The following MGAT5 variants were observed in gnomAD, a reference collection of about 807,000 sequenced individuals.
MGAT5 encodes the protein alpha-1,6-mannosylglycoprotein 6-beta-N-acetylglucosaminyltransferase, also known as alpha-1,6-mannosylglycoprotein 6-beta-N-acetylglucosaminyltransferase A.
A neutral mutation model predicts 94.3 loss-of-function variants in MGAT5; 30 were observed. That is an observed-to-expected ratio of 0.32 (90% CI 0.24 to 0.43). MGAT5 has a LOEUF of 0.43. MGAT5 is among the 20% of genes least tolerant of loss of function. The pLI is 1.00. For missense variants in MGAT5, 691 were observed against 905.5 expected, an observed-to-expected ratio of 0.76 and a Z score of 3.04; for synonymous variants, 310 against 322.9, an observed-to-expected ratio of 0.96 and a Z score of 0.43.
intron 2 of MGAT5, among the ~76,000 whole-genome samples, chr2:134,279,273 G>A (rs1379460205): frequency 6.6e-6 from 1 of 152,032 alleles, no homozygotes; most frequent in African/African-American, 2.4e-5. Context: ...AGAAGCACCT[G>A]GAAAGTTTAC....
At chr2:134,366,831 G>A (rs1202253421) in intron 10 of MGAT5, among the ~76,000 whole-genome samples, 3 of 152,168 alleles carry the variant, frequency 2.0e-5, no homozygotes, top group Non-Finnish European at 4.4e-5. Context: ...TGACCAATTC[G>A]CAAATAAATA....
At chr2:134,419,387 C>T (rs1468236819) in intron 12 of MGAT5, among the ~76,000 whole-genome samples, 1 of 149,818 alleles carries the variant, frequency 6.7e-6, no homozygotes, top group Non-Finnish European at 1.5e-5. Context: ...TGAGTAGGTT[C>T]TCGATCATTT....
At chr2:134,312,580 C>T (rs1376724329) in intron 2 of MGAT5, among the ~76,000 whole-genome samples, 1 of 152,178 alleles carries the variant, frequency 6.6e-6, no homozygotes, top group African/African-American at 2.4e-5. Flanking sequence ...AAGATGGGGT[C>T]TCCAGTGTGC....
rs187561883 is a variant in MGAT5, at chr2:134,172,597, A to G, written c.-143+52306A>G. On this transcript the variant is annotated intron_variant, in intron 1 of 16. Transcript: ENST00000409645. ...GAGACGGGTTTTCACCGTGTTAGCC[A>G]GGATGGTCTCGATCTCCTGACCTCG... Among the ~76,000 whole-genome samples the G allele has an allele frequency of 1.3e-3, 196 of 152,270 alleles. 2 individuals carry two copies. Among genetic ancestry groups the G allele is most frequent in the East Asian group, 9.1e-3 (47 of 5,168 alleles).
chr2:134,191,477 T>A (rs982027788), intron 1 of MGAT5, among the ~76,000 whole-genome samples: 31 of 152,000 alleles, frequency 2.0e-4, no homozygotes, highest in African/African-American at 7.5e-4. Context: ...ACCAGCAGGT[T>A]CCAGATGGAA....
chr2:134,440,321 A>T (rs1388237067), intron 14 of MGAT5, among the ~76,000 whole-genome samples: 1 of 152,220 alleles, frequency 6.6e-6, no homozygotes, highest in Non-Finnish European at 1.5e-5. Flanking sequence ...TATAATGTTT[A>T]GAATGAAGAA....
At chr2:134,251,910 C>T (rs1682628864), upstream of MGAT5, among the ~76,000 whole-genome samples, 1 of 152,198 alleles carries the variant, frequency 6.6e-6, no homozygotes, top group Admixed American at 6.5e-5. Context: ...CTCTCCTCCC[C>T]ACCCCTGGTA....
chr2:134,229,087 T>G (rs1307043845), intron 1 of MGAT5, among the ~76,000 whole-genome samples: 1 of 152,214 alleles, frequency 6.6e-6, no homozygotes, highest in Admixed American at 6.5e-5. Context: ...CTTTTCCTGT[T>G]CAAATTAGTA....
At chr2:134,206,913 A>G (rs1680045752) in intron 1 of MGAT5, among the ~76,000 whole-genome samples, 1 of 152,192 alleles carries the variant, frequency 6.6e-6, no homozygotes, top group Non-Finnish European at 1.5e-5. Flanking sequence ...AATTTCAGAC[A>G]TCTGGAGTCT....
intron 1 of MGAT5, among the ~76,000 whole-genome samples, chr2:134,174,072 G>A (rs1035412951): frequency 6.6e-6 from 1 of 152,218 alleles, no homozygotes; most frequent in Non-Finnish European, 1.5e-5. Context: ...AAGAGCATTA[G>A]CTTCTAAGCC....
In MGAT5 at chr2:134,270,273, G is replaced by A. The variant is rs569876722; in HGVS notation, c.242-113G>A. On this transcript the variant is annotated intron_variant, in intron 1 of 15. Coordinates refer to ENST00000281923, the MANE Select transcript of MGAT5 (RefSeq NM_002410.5). ...TCAGATGTGGTTTGACAGATCTTTT[G>A]TATCACTTCAGAAACATTTGAGAAG... is the stretch of plus-strand genomic sequence containing the variant. 93 of 1,035,440 alleles carry A rather than the reference G, an allele frequency of 9.0e-5. No homozygotes were observed. In the African/African-American group the frequency reaches 1.2e-3, roughly 13 times the overall value. The allele number at this position is 1,035,440 out of a possible 1,614,324, so 64.1% of individuals were successfully genotyped here.
At chr2:134,257,796 G>A (rs889108502) in intron 1 of MGAT5, among the ~76,000 whole-genome samples, 8 of 146,644 alleles carry the variant, frequency 5.5e-5, no homozygotes, top group African/African-American at 2.0e-4. Flanking sequence ...TGGGCTGGCA[G>A]AACAGTGATG....
chr2:134,307,003 A>G (rs1686367406), intron 2 of MGAT5, among the ~76,000 whole-genome samples: 1 of 152,176 alleles, frequency 6.6e-6, no homozygotes, highest in African/African-American at 2.4e-5. Flanking sequence ...GGCATCTTGC[A>G]TGGTGGCCAG....
At chr2:134,277,239 T>C (rs1360346698) in intron 2 of MGAT5, among the ~76,000 whole-genome samples, 20 of 152,142 alleles carry the variant, frequency 1.3e-4, no homozygotes, top group Admixed American at 1.3e-3. Context: ...GGGGAAATAA[T>C]AGTAGTGTCC....
At chr2:134,445,469 G>C (rs1459037191) in intron 15 of MGAT5, among the ~76,000 whole-genome samples, 1 of 152,116 alleles carries the variant, frequency 6.6e-6, no homozygotes, top group African/African-American at 2.4e-5. Context: ...GGCGGGAGCA[G>C]CAGGTGAGAC....
intron 2 of MGAT5, among the ~76,000 whole-genome samples, chr2:134,309,257 G>C (rs1045062078): frequency 8.5e-5 from 13 of 152,174 alleles, no homozygotes; most frequent in African/African-American, 3.1e-4. Context: ...AATTTTGGCT[G>C]TTATGAATAA....
At chr2:134,413,084 A>T (rs1683763791) in intron 12 of MGAT5, 69 bp downstream of exon 12, 3 of 1,529,508 alleles carry the variant, frequency 2.0e-6, no homozygotes, top group Non-Finnish European at 2.7e-6. Context: ...GTGCTCATGT[A>T]GGTATTAACT....
chr2:134,403,318 T>C (rs1683160381), intron 11 of MGAT5, among the ~76,000 whole-genome samples, 181 bp downstream of exon 11: 1 of 152,186 alleles, frequency 6.6e-6, no homozygotes, highest in South Asian at 2.1e-4. Context: ...ATTGCTACAG[T>C]TTTTTTCATT....
intron 9 of MGAT5, among the ~76,000 whole-genome samples, chr2:134,357,562 G>C (rs1291167847): frequency 1.3e-5 from 2 of 152,206 alleles, no homozygotes; most frequent in African/African-American, 4.8e-5. Flanking sequence ...AACCAAAGGA[G>C]TTATTTGTGA....
Sources: allele counts gnomAD v4.1 joint callset (sites outside exome capture counted in the v4.1 genomes callset), GRCh38; gene constraint gnomAD v4.1.1; transcripts MANE v1.5; gene names NCBI Gene and HGNC (gene_info 2026-07-23, HGNC 2026-07-21).